RFFL: variants seen among roughly 807,000 people sequenced by gnomAD.
RFFL encodes E3 ubiquitin-protein ligase rififylin.
In RFFL, 16 loss-of-function variants were observed where a neutral mutation model predicts 40.4. The observed-to-expected ratio is 0.40, with a 90% CI of 0.27 to 0.60. The LOEUF is 0.60. Among genes scored for constraint, RFFL ranks in the 20% least tolerant of loss-of-function variants. The probability of loss-of-function intolerance (pLI) is 0.47; values close to 1 mark genes in which losing one functional copy is unlikely to be tolerated. For synonymous variants in RFFL, 154 were observed against 167.9 expected, an observed-to-expected ratio of 0.92 and a Z score of 0.64; for missense variants, 367 against 451.7, an observed-to-expected ratio of 0.81 and a Z score of 1.70.
chr17:35,021,481 A>T lies in RFFL; in HGVS notation c.481T>A (p.Phe161Ile). ...LSPDFPEQQA[F>I]LTQPHSSMVP... The stretch of plus-strand genomic sequence containing the variant: ...ATGCTGGAGTGAGGCTGGGTCAGGA[A>T]GGCCTGCTGCTCAGGAAAGTCTGGG... Residue 161 changes from phenylalanine (F) to isoleucine (I), a missense_variant, in exon 3 of 7, where the codon TTC becomes ATC. Transcript: ENST00000394597. 3.2e-6 allele frequency: 5 copies of T among 1,583,790 alleles called. No individual in the cohort carries two copies. Among genetic ancestry groups the T allele is most frequent in the Non-Finnish European group, 4.3e-6 (5 of 1,165,868 alleles).
intron 1 of RFFL, among the ~76,000 whole-genome samples, chr17:35,047,648 G>A (rs944771494): frequency 2.0e-5 from 3 of 152,054 alleles, no homozygotes; most frequent in African/African-American, 7.2e-5. Flanking sequence ...GAGTGCAGTG[G>A]CATGGTCTCA....
At chr17:35,060,669 G>A (rs546129998) in intron 1 of RFFL, among the ~76,000 whole-genome samples, 2 of 152,280 alleles carry the variant, frequency 1.3e-5, no homozygotes, top group South Asian at 4.1e-4. Context: ...TTACTTGATG[G>A]TGGCAGGTAA....
intron 1 of RFFL, among the ~76,000 whole-genome samples, chr17:35,035,408 C>CAA (rs35989343): frequency 1.7e-4 from 20 of 115,762 alleles, no homozygotes; most frequent in African/African-American, 2.4e-4. Context: ...GACTCCATCT[C>CAA]AAAAAAAAAA....
intron 4 of RFFL, 127 bp downstream of exon 4, chr17:35,017,395 CA>C (rs2090980774): frequency 1.0e-5 from 7 of 676,082 alleles, no homozygotes; most frequent in Non-Finnish European, 1.9e-5. Context: ...AACCCTACCC[CA>C]AAAATATAAT....
chr17:35,067,882 T>C (rs373408546), upstream of RFFL, among the ~76,000 whole-genome samples: 4 of 152,288 alleles, frequency 2.6e-5, no homozygotes, highest in East Asian at 7.7e-4. Flanking sequence ...AGCTGAACAG[T>C]AGTCACACTG....
In RFFL at chr17:35,008,704, T is replaced by A. The variant is rs2090914571; in HGVS notation, c.*3264A>T. ...CGGACTGCAGTGGCGCAATCTTGGC[T>A]CACTGCAAGCTCCGCCTCCCGGGTT... On this transcript the variant is annotated 3_prime_UTR_variant, in exon 7 of 7. Coordinates refer to ENST00000394597, the MANE Select transcript of RFFL (RefSeq NM_001017368.2). 1 of 152,180 alleles carries A rather than the reference T, an allele frequency of 6.6e-6. No homozygotes were observed. Among genetic ancestry groups the A allele is most frequent in the African/African-American group, 2.4e-5 (1 of 41,448 alleles). 9.4% of individuals were successfully genotyped at this position (152,180 alleles called of 1,614,324 possible).
At chr17:35,054,479 T>C (rs768160018) in intron 1 of RFFL, among the ~76,000 whole-genome samples, 7 of 152,180 alleles carry the variant, frequency 4.6e-5, no homozygotes, top group Non-Finnish European at 7.4e-5. Flanking sequence ...ATTACACTTA[T>C]GAACAACAAA....
chr17:35,058,728 G>A (rs1041768584), intron 1 of RFFL, among the ~76,000 whole-genome samples: 10 of 152,058 alleles, frequency 6.6e-5, no homozygotes, highest in Non-Finnish European at 1.0e-4. Flanking sequence ...CCGAGATTGC[G>A]CCACTGCACT....
chr17:35,077,883 A>G (rs2091384877), intron 1 of RFFL, among the ~76,000 whole-genome samples: 1 of 152,238 alleles, frequency 6.6e-6, no homozygotes, highest in African/African-American at 2.4e-5. Flanking sequence ...TGGAAAGAGC[A>G]CAAATCCACA....
At chr17:35,028,073 G>C (rs954000955) in intron 1 of RFFL, among the ~76,000 whole-genome samples, 5 of 148,498 alleles carry the variant, frequency 3.4e-5, no homozygotes, top group African/African-American at 1.2e-4. Flanking sequence ...GGTGGCTCAC[G>C]CCTATAATCC....
intron 1 of RFFL, among the ~76,000 whole-genome samples, chr17:35,048,974 T>C (rs552904228): frequency 6.6e-6 from 1 of 152,308 alleles, no homozygotes; most frequent in South Asian, 2.1e-4. Context: ...GAATGGTGAT[T>C]TCTAGTTCTC....
intron 1 of RFFL, among the ~76,000 whole-genome samples, chr17:35,038,611 A>T (rs2091141881): frequency 6.6e-6 from 1 of 152,242 alleles, no homozygotes; most frequent in Non-Finnish European, 1.5e-5. Context: ...TGATACATGC[A>T]ATAGTACAGA....
intron 1 of RFFL, among the ~76,000 whole-genome samples, chr17:35,032,919 G>A (rs1022665326): frequency 6.6e-6 from 1 of 152,062 alleles, no homozygotes; most frequent in African/African-American, 2.4e-5. Flanking sequence ...AATGCCCAAT[G>A]GACTAAGGTT....
At chr17:35,070,055 A>T (rs1042961951) in intron 1 of RFFL, among the ~76,000 whole-genome samples, 5 of 151,740 alleles carry the variant, frequency 3.3e-5, no homozygotes, top group African/African-American at 1.2e-4. Flanking sequence ...AGAGAGGGAG[A>T]GCACGCGCAC....
At chr17:35,048,708 T>A (rs192004995) in intron 1 of RFFL, among the ~76,000 whole-genome samples, 3 of 152,288 alleles carry the variant, frequency 2.0e-5, no homozygotes, top group Admixed American at 2.0e-4. Flanking sequence ...AACCCTTCTC[T>A]GCCAAATTCA....
At chr17:35,040,080 C>A (rs766628667) in intron 1 of RFFL, among the ~76,000 whole-genome samples, 1 of 152,192 alleles carries the variant, frequency 6.6e-6, no homozygotes, top group Non-Finnish European at 1.5e-5. Flanking sequence ...TTCCAAGTGG[C>A]CAGATCTAAT....
intron 4 of RFFL, 88 bp from the exon 5 acceptor site, chr17:35,016,668 A>C: frequency 9.6e-7 from 1 of 1,045,730 alleles, no homozygotes; most frequent in Non-Finnish European, 1.4e-6. Flanking sequence ...ACCACATCAT[A>C]ATTTTGGTGA....
chr17:35,072,325 T>C (rs916534910), intron 1 of RFFL, among the ~76,000 whole-genome samples: 4 of 148,072 alleles, frequency 2.7e-5, no homozygotes, highest in Non-Finnish European at 4.5e-5. Context: ...CATATAAAAG[T>C]AAAAAACAAA....
chr17:35,042,825 A>C (rs1378660374), intron 1 of RFFL, among the ~76,000 whole-genome samples: 13 of 90,904 alleles, frequency 1.4e-4, no homozygotes, highest in Non-Finnish European at 2.1e-4. Context: ...CTCCATCTCA[A>C]AAAAAAAAAA....
Sources: gnomAD v4.1 joint callset for allele counts (sites outside exome capture counted in the v4.1 genomes callset) on GRCh38, gnomAD v4.1.1 for gene constraint, MANE v1.5 for transcripts, NCBI Gene and HGNC (gene_info 2026-07-23, HGNC 2026-07-21) for gene names.